Variants in MAGI2 observed in about 807,000 individuals in gnomAD.
MAGI2 encodes the protein membrane-associated guanylate kinase, WW and PDZ domain-containing protein 2.
A neutral mutation model predicts 133.3 loss-of-function variants in MAGI2; 35 were observed. The observed-to-expected ratio is 0.26, with a 90% CI of 0.20 to 0.35. The LOEUF is 0.35. MAGI2 is among the 10% of genes least tolerant of loss of function. MAGI2 has a pLI of 1.00. For synonymous variants in MAGI2, 729 were observed against 710.6 expected, an observed-to-expected ratio of 1.03 and a Z score of -0.41; for missense variants, 1,636 against 1,863.4, an observed-to-expected ratio of 0.88 and a Z score of 2.25.
intron 2 of MAGI2, among the ~76,000 whole-genome samples, chr7:78,966,873 G>C (rs1249120394): frequency 6.9e-6 from 1 of 144,854 alleles, no homozygotes; most frequent in Non-Finnish European, 1.5e-5. Flanking sequence ...GCCATCTTAA[G>C]TGATGATTAG....
Position 78,369,205 on chromosome 7 carries a change from A to G in MAGI2, c.1054T>C (p.Tyr352His). The G allele has an allele frequency of 1.2e-6, 2 of 1,601,966 alleles. No homozygotes were observed. The highest frequency in any genetic ancestry group is 1.1e-5 in the South Asian group (1 of 88,918). The change falls in exon 7 of 22, where the codon TAT becomes CAT. Residue 352 changes from tyrosine (Y) to histidine (H), a missense_variant. By Grantham distance (83) the Tyr-to-His change is moderately conservative (BLOSUM62 2). Coordinates refer to ENST00000354212, the MANE Select transcript of MAGI2 (RefSeq NM_012301.4). ...GGATCATCGATTTTTTCCCAGCCATATGGAAGCTCTGAAAAATAAAGAGTT... is the reference window on the plus strand; with the variant it reads ...GGATCATCGATTTTTTCCCAGCCATGTGGAAGCTCTGAAAAATAAAGAGTT... ...PEECKENELP[Y>H]GWEKIDDPIY...
chr7:78,526,164 C>G (rs1796931696), intron 3 of MAGI2, among the ~76,000 whole-genome samples: 1 of 152,134 alleles, frequency 6.6e-6, no homozygotes, highest in Non-Finnish European at 1.5e-5. Context: ...TACGCTGTTG[C>G]CTTTTAAGAG....
intron 16 of MAGI2, among the ~76,000 whole-genome samples, chr7:78,149,706 T>G (rs879437668): frequency 2.0e-5 from 3 of 152,202 alleles, no homozygotes; most frequent in Non-Finnish European, 4.4e-5. Context: ...CTTTCTTGCT[T>G]TCTGGAAGAC....
chr7:78,622,648 G>A (rs1807872842), intron 3 of MAGI2, among the ~76,000 whole-genome samples: 1 of 151,944 alleles, frequency 6.6e-6, no homozygotes, highest in South Asian at 2.1e-4. Flanking sequence ...GGTAGCCCTA[G>A]GTCTAGAGCT....
intron 2 of MAGI2, among the ~76,000 whole-genome samples, chr7:78,987,540 A>G (rs1482559815): frequency 1.3e-5 from 2 of 152,042 alleles, no homozygotes; most frequent in African/African-American, 4.8e-5. Context: ...CAACATTTCA[A>G]GTCACGGATT....
At chr7:79,163,649 C>A (rs180730432) in intron 1 of MAGI2, among the ~76,000 whole-genome samples, 16 of 152,110 alleles carry the variant, frequency 1.1e-4, no homozygotes, top group African/African-American at 3.9e-4. Flanking sequence ...GTTTAAATAA[C>A]CCTGATAAGG....
chr7:78,234,356 A>G (rs1409513674), intron 10 of MAGI2, among the ~76,000 whole-genome samples: 1 of 152,158 alleles, frequency 6.6e-6, no homozygotes, highest in Admixed American at 6.5e-5. Context: ...TGGAAATACA[A>G]AACTGATTTA....
chr7:78,139,990 C>A (rs1202900909), intron 16 of MAGI2, among the ~76,000 whole-genome samples: 2 of 152,156 alleles, frequency 1.3e-5, no homozygotes, highest in Non-Finnish European at 2.9e-5. Flanking sequence ...TGGATGTCCT[C>A]TAAGTGAATT....
chr7:78,971,871 T>G (rs1803816999), intron 2 of MAGI2, among the ~76,000 whole-genome samples: 1 of 152,014 alleles, frequency 6.6e-6, no homozygotes, highest in Admixed American at 6.6e-5. Flanking sequence ...AAATAGAAAA[T>G]TTCTACTTTA....
chr7:79,026,771 G>T (rs1181498303), intron 1 of MAGI2, among the ~76,000 whole-genome samples: 2 of 151,996 alleles, frequency 1.3e-5, no homozygotes, highest in Non-Finnish European at 2.9e-5. Flanking sequence ...CTATTTGGGG[G>T]CTGAGGCATG....
intron 21 of MAGI2, among the ~76,000 whole-genome samples, chr7:78,060,657 G>A (rs1401333444): frequency 2.0e-5 from 3 of 152,238 alleles, no homozygotes; most frequent in Admixed American, 6.5e-5. Flanking sequence ...GAGGAGGCAA[G>A]CTTTGGACCT....
chr7:79,288,286 T>C lies in MAGI2; in HGVS notation c.301+164734A>G, dbSNP rs553989408. 4.6e-5 allele frequency among the ~76,000 whole-genome samples: 7 copies of C among 152,268 alleles called. No individual in the cohort carries two copies. The South Asian group carries it at 1.5e-3, about 32-fold the overall frequency. On this transcript the variant is annotated intron_variant, in intron 1 of 21. Transcript: ENST00000354212. ...TATAATAGTGTCTACCTTGCAGGGTTGTTGGAGGATTAAATGAGATAGTCT... is the reference window on the plus strand; with the variant it reads ...TATAATAGTGTCTACCTTGCAGGGTCGTTGGAGGATTAAATGAGATAGTCT...
intron 1 of MAGI2, among the ~76,000 whole-genome samples, chr7:79,437,372 T>C (rs1430397321): frequency 6.6e-6 from 1 of 152,126 alleles, no homozygotes; most frequent in Non-Finnish European, 1.5e-5. Context: ...ATATTTTTCT[T>C]TTTTAAAAAA....
At chr7:79,271,328 A>T (rs930747884) in intron 1 of MAGI2, among the ~76,000 whole-genome samples, 3 of 152,134 alleles carry the variant, frequency 2.0e-5, no homozygotes. Context: ...GTTTTATATC[A>T]GCATTTTACG....
intron 1 of MAGI2, among the ~76,000 whole-genome samples, chr7:79,060,956 A>G (rs941342320): frequency 6.6e-6 from 1 of 152,166 alleles, no homozygotes; most frequent in Non-Finnish European, 1.5e-5. Context: ...TTTCTATCTG[A>G]GATGAGTTTT....
intron 3 of MAGI2, among the ~76,000 whole-genome samples, chr7:78,599,428 G>C (rs1056854268): frequency 6.6e-6 from 1 of 152,102 alleles, no homozygotes; most frequent in East Asian, 1.9e-4. Flanking sequence ...TAATGTGTTG[G>C]AGTGATTATC....
intron 1 of MAGI2, among the ~76,000 whole-genome samples, chr7:79,269,853 T>C (rs562935334): frequency 1.3e-5 from 2 of 152,234 alleles, no homozygotes; most frequent in Admixed American, 1.3e-4. Flanking sequence ...TTTGTAAGAC[T>C]AATGAAAGGC....
chr7:78,040,726 A>G (rs1159627974), intron 21 of MAGI2, among the ~76,000 whole-genome samples: 1 of 152,160 alleles, frequency 6.6e-6, no homozygotes, highest in Non-Finnish European at 1.5e-5. Flanking sequence ...TCCCACGGAG[A>G]CGTCTAAACC....
chr7:79,186,808 C>T (rs1000258908), intron 1 of MAGI2, among the ~76,000 whole-genome samples: 7 of 101,062 alleles, frequency 6.9e-5, no homozygotes, highest in African/African-American at 3.3e-4. Context: ...TATATATAAA[C>T]ATAGGATACC....
Sources: allele counts gnomAD v4.1 joint callset (sites outside exome capture counted in the v4.1 genomes callset), GRCh38; gene constraint gnomAD v4.1.1; transcripts MANE v1.5; gene names NCBI Gene and HGNC (gene_info 2026-07-23, HGNC 2026-07-21).